ADAMTS9: variants seen among roughly 807,000 people sequenced by gnomAD.
The protein encoded by ADAMTS9 is ADAM metallopeptidase with thrombospondin type 1 motif 9.
In ADAMTS9, 107 loss-of-function variants were observed where a neutral mutation model predicts 257.1. The observed-to-expected ratio is 0.42, with a 90% CI of 0.36 to 0.49. ADAMTS9 has a LOEUF of 0.49. Among genes scored for constraint, ADAMTS9 ranks in the 20% least tolerant of loss-of-function variants. The probability of loss-of-function intolerance (pLI) is 0.03; values close to 1 mark genes in which losing one functional copy is unlikely to be tolerated. For synonymous variants in ADAMTS9, 982 were observed against 880.9 expected, an observed-to-expected ratio of 1.11 and a Z score of -2.03; for missense variants, 2,353 against 2,469.1, an observed-to-expected ratio of 0.95 and a Z score of 1.00.
chr3:64,517,429 T>TTTTTTTTTTTTTTTTTTTTTG (rs1321284198), intron 39 of ADAMTS9, among the ~76,000 whole-genome samples: 1 of 130,598 alleles, frequency 7.7e-6, no homozygotes, highest in South Asian at 2.9e-4. Flanking sequence ...TTTTTTTTTT[T>TTTTTTTTTTTTTTTTTTTTTG]TTTTTTTTTT....
chr3:64,576,246 T>C (rs1409880672), intron 28 of ADAMTS9, among the ~76,000 whole-genome samples: 1 of 152,232 alleles, frequency 6.6e-6, no homozygotes, highest in South Asian at 2.1e-4. Context: ...CAAGAACTCC[T>C]GCGTTTCTCC....
chr3:64,526,873 A>C (rs2082917422), intron 38 of ADAMTS9, among the ~76,000 whole-genome samples: 1 of 152,240 alleles, frequency 6.6e-6, no homozygotes, highest in African/African-American at 2.4e-5. Flanking sequence ...TGCTATTATC[A>C]TAAAGGTATT....
At chr3:64,625,918 G>A (rs1700212352) in intron 16 of ADAMTS9, among the ~76,000 whole-genome samples, 1 of 152,086 alleles carries the variant, frequency 6.6e-6, no homozygotes, top group Non-Finnish European at 1.5e-5. Context: ...TTCAAGTCCT[G>A]TATATTTCCA....
At chr3:64,517,428 T>TTTTTTTTTTTTTTTTTG (rs2082793367) in intron 39 of ADAMTS9, among the ~76,000 whole-genome samples, 1 of 130,690 alleles carries the variant, frequency 7.7e-6, no homozygotes, top group Non-Finnish European at 1.7e-5. Context: ...TTTTTTTTTT[T>TTTTTTTTTTTTTTTTTG]TTTTTTTTTT....
At chr3:64,562,517 C>T (rs2083445250) in intron 29 of ADAMTS9, among the ~76,000 whole-genome samples, 1 of 152,128 alleles carries the variant, frequency 6.6e-6, no homozygotes, top group Non-Finnish European at 1.5e-5. Flanking sequence ...TTCCTCATTG[C>T]TGGGTTTCAT....
intron 19 of ADAMTS9, 150 bp from the exon 20 acceptor site, chr3:64,616,320 C>A (rs949077881): frequency 2.5e-6 from 2 of 807,660 alleles, no homozygotes; most frequent in Admixed American, 2.6e-5. Flanking sequence ...TTGCTAAAAT[C>A]TAATTTTAAA....
chr3:64,542,060 C>T, intron 32 of ADAMTS9, 90 bp from the exon 33 acceptor site: 1 of 1,543,052 alleles, frequency 6.5e-7, no homozygotes, highest in Non-Finnish European at 8.8e-7. Context: ...CTGATGTCAT[C>T]ATGTACAGGG....
Position 64,634,039 on chromosome 3 carries a change from T to C in ADAMTS9, c.1857-160A>G, listed in dbSNP as rs555954531. Reference sequence around the variant, plus strand: ...AGCTCTGATCCCTGGTTTTGCATCCTGCCTTCAATACCATGATGTGTATAA... The same window carrying C: ...AGCTCTGATCCCTGGTTTTGCATCCCGCCTTCAATACCATGATGTGTATAA... On this transcript the variant is annotated intron_variant, in intron 12 of 39. Transcript: ENST00000498707. Among the ~76,000 whole-genome samples the C allele has an allele frequency of 2.6e-5, 4 of 152,210 alleles. No homozygotes were observed. In the South Asian group the frequency reaches 8.3e-4, roughly 32 times the overall value.
Position 64,596,835 on chromosome 3 carries a change from C to T in ADAMTS9, c.4174G>A (p.Gly1392Arg). The change falls in exon 27 of 40, where the codon GGA (glycine) becomes AGA (arginine). Residue 1392 changes from glycine (G) to arginine (R), a missense_variant. Transcript: ENST00000498707. ...GACGGATAGTTCACTCTCACCTCTC[C>T]CCAGTTGCCATAAGCCCACTGAGGA... ...PCPQWAYGNW[G>R]ECTKLCGGGI... 2 of 1,613,914 alleles carry T rather than the reference C, an allele frequency of 1.2e-6. No individual in the cohort carries two copies. The highest frequency in any genetic ancestry group is 8.5e-7 in the Non-Finnish European group (1 of 1,179,896).
chr3:64,518,359 G>C (rs552503968), intron 39 of ADAMTS9, among the ~76,000 whole-genome samples: 10 of 152,260 alleles, frequency 6.6e-5, no homozygotes, highest in African/African-American at 2.4e-4. Flanking sequence ...GCCTTACACG[G>C]TAATGGGCTA....
At chr3:64,610,981 C>T (rs995579686) in intron 22 of ADAMTS9, among the ~76,000 whole-genome samples, 1 of 146,950 alleles carries the variant, frequency 6.8e-6, no homozygotes, top group Non-Finnish European at 1.5e-5. Flanking sequence ...GAGGCTGAGG[C>T]AGGAGAATCG....
chr3:64,668,035 T>C (rs527524525), intron 3 of ADAMTS9, among the ~76,000 whole-genome samples: 4 of 152,190 alleles, frequency 2.6e-5, no homozygotes, highest in Admixed American at 6.5e-5. Context: ...TTCGATTCAC[T>C]CCATCTCTTA....
intron 28 of ADAMTS9, chr3:64,588,583 A>G (rs963635242): frequency 6.6e-6 from 1 of 151,976 alleles, no homozygotes; most frequent in Non-Finnish European, 1.5e-5. Context: ...CACATTCCAA[A>G]GTTTCTATTT....
chr3:64,574,648 G>A (rs1007705058), intron 28 of ADAMTS9, among the ~76,000 whole-genome samples: 7 of 151,390 alleles, frequency 4.6e-5, no homozygotes, highest in Admixed American at 4.6e-4. Flanking sequence ...TAGGAGCATT[G>A]ATTGAGCCTA....
intron 28 of ADAMTS9, among the ~76,000 whole-genome samples, chr3:64,585,549 G>A (rs190313598): frequency 2.4e-4 from 36 of 152,192 alleles, no homozygotes; most frequent in Admixed American, 1.7e-3. Context: ...AGAGAGTTAC[G>A]GTGAGATCAC....
At position 64,561,594 on chromosome 3, in the gene ADAMTS9, G is replaced by C; in HGVS notation, c.4682C>G (p.Ala1561Gly). 6.2e-7 allele frequency: 1 copy of C among 1,613,584 alleles called. No homozygotes were observed. The highest frequency in any genetic ancestry group is 8.5e-7 in the Non-Finnish European group (1 of 1,179,796). ...GPRCPLYTWR[A>G]EEWQECTKTC... ...TCTACTTACTTCTTGCCATTCCTCT[G>C]CCCTCCAAGTGTAGAGGGGACACCG... The change falls in exon 30 of 40, where the codon GCA (alanine) becomes GGA (glycine). Residue 1561 changes from alanine (A) to glycine (G), a missense_variant. Ala to Gly is a moderately conservative substitution (Grantham distance 60, BLOSUM62 0). Transcript: ENST00000498707.
At position 64,632,259 on chromosome 3, in the gene ADAMTS9, G is replaced by A. The variant is rs1322541664; in HGVS notation, c.2176-334C>T. On this transcript the variant is annotated intron_variant, in intron 14 of 39. Transcript: ENST00000498707. Reference sequence around the variant, plus strand: ...AAGCACTAGTCTGTAAGTAAGCACAGTAATTTTTTAAAAAATTGCTTAGGA... The same window carrying A: ...AAGCACTAGTCTGTAAGTAAGCACAATAATTTTTTAAAAAATTGCTTAGGA... Among the ~76,000 whole-genome samples, 5 of 152,048 alleles carry A rather than the reference G, an allele frequency of 3.3e-5. No individual in the cohort carries two copies. The South Asian group carries it at 6.2e-4, about 19-fold the overall frequency.
In ADAMTS9 at chr3:64,651,131, C is replaced by T; in HGVS notation, c.1349G>A (p.Cys450Tyr). The change falls in exon 9 of 40, where the codon TGT (cysteine) becomes TAT (tyrosine). Residue 450 changes from cysteine (C) to tyrosine (Y), a missense_variant. By Grantham distance (194) the Cys-to-Tyr change is radical. Transcript: ENST00000498707. ...GGGACTCTTAACTCCTTCTTCTTTA[C>T]ATTTGTTGTTGTCATCATGAGGCAT... ...FNMPHDDNNK[C>Y]KEEGVKSPQH... is the part of the protein sequence containing the mutation. 1 of 1,591,614 alleles carries T rather than the reference C, an allele frequency of 6.3e-7. No individual in the cohort carries two copies. Among genetic ancestry groups the T allele is most frequent in the Non-Finnish European group, 8.5e-7 (1 of 1,172,196 alleles).
At chr3:64,518,221 C>T (rs1375842015) in intron 39 of ADAMTS9, among the ~76,000 whole-genome samples, 1 of 152,186 alleles carries the variant, frequency 6.6e-6, no homozygotes, top group Non-Finnish European at 1.5e-5. Flanking sequence ...CTAGCCATGC[C>T]TGAAGCTAGC....
Sources: gnomAD v4.1 joint callset for allele counts (sites outside exome capture counted in the v4.1 genomes callset) on GRCh38, gnomAD v4.1.1 for gene constraint, MANE v1.5 for transcripts, NCBI Gene and HGNC (gene_info 2026-07-23, HGNC 2026-07-21) for gene names.